The following TMEM132D variants were observed in gnomAD, a reference collection of about 807,000 sequenced individuals.
The protein encoded by TMEM132D is transmembrane protein 132D.
In TMEM132D, 21 loss-of-function variants were observed where a neutral mutation model predicts 62.3. The observed-to-expected ratio is 0.34, with a 90% CI of 0.24 to 0.49. TMEM132D has a LOEUF of 0.49. Among genes scored for constraint, TMEM132D ranks in the 20% least tolerant of loss-of-function variants. The pLI, the probability that TMEM132D is intolerant of heterozygous loss-of-function variation, is 0.99. For synonymous variants in TMEM132D, 621 were observed against 575.6 expected (o/e 1.08, Z -1.13); for missense variants, 1,346 against 1,402.8 (o/e 0.96, Z 0.65).
chr12:129,828,935 T>C (rs574925474), intron 1 of TMEM132D, among the ~76,000 whole-genome samples: 23 of 150,864 alleles, frequency 1.5e-4, no homozygotes, highest in African/African-American at 5.1e-4. Flanking sequence ...GTGAAAGAGG[T>C]GGAAGGGTAT....
intron 2 of TMEM132D, among the ~76,000 whole-genome samples, chr12:129,696,145 C>T (rs1169424058): frequency 2.0e-5 from 3 of 152,194 alleles, no homozygotes; most frequent in Non-Finnish European, 4.4e-5. Context: ...TATCTGGCTA[C>T]CAAAACCACC....
intron 3 of TMEM132D, among the ~76,000 whole-genome samples, chr12:129,345,426 T>C (rs1869648439): frequency 6.6e-6 from 1 of 152,210 alleles, no homozygotes; most frequent in Non-Finnish European, 1.5e-5. Flanking sequence ...CTAGAATGTA[T>C]TCTCGAACAC....
chr12:129,108,455 G>A (rs926276563), intron 5 of TMEM132D, among the ~76,000 whole-genome samples: 1 of 152,178 alleles, frequency 6.6e-6, no homozygotes, highest in Admixed American at 6.5e-5. Flanking sequence ...GGTAGTAGAC[G>A]ACATACTTGC....
At chr12:129,882,723 T>C (rs1349975952) in intron 1 of TMEM132D, among the ~76,000 whole-genome samples, 1 of 152,204 alleles carries the variant, frequency 6.6e-6, no homozygotes, top group Admixed American at 6.5e-5. Context: ...ATATGTACAA[T>C]TATTATGTCA....
At chr12:129,519,093 T>C (rs774450895) in intron 3 of TMEM132D, among the ~76,000 whole-genome samples, 8 of 152,210 alleles carry the variant, frequency 5.3e-5, no homozygotes, top group Non-Finnish European at 7.3e-5. Context: ...AATTATGTCT[T>C]ACCTGTTTTA....
intron 1 of TMEM132D, among the ~76,000 whole-genome samples, chr12:129,902,744 C>A (rs192256050): frequency 4.6e-5 from 7 of 152,036 alleles, no homozygotes; most frequent in African/African-American, 1.7e-4. Context: ...TCTTCAGAGC[C>A]GCCCCCCAGG....
intron 5 of TMEM132D, among the ~76,000 whole-genome samples, chr12:129,121,564 G>A (rs1338068737): frequency 6.6e-6 from 1 of 152,156 alleles, no homozygotes; most frequent in East Asian, 1.9e-4. Context: ...CACTGTTGCT[G>A]GATTTGAAGA....
intron 5 of TMEM132D, among the ~76,000 whole-genome samples, chr12:129,158,529 A>G (rs377691381): frequency 2.6e-5 from 4 of 152,256 alleles, no homozygotes; most frequent in Admixed American, 2.6e-4. Context: ...CTGTTGGCAT[A>G]GAAGTATATC....
At chr12:129,550,724 T>C (rs910762199) in intron 2 of TMEM132D, among the ~76,000 whole-genome samples, 6 of 152,336 alleles carry the variant, frequency 3.9e-5, no homozygotes, top group Non-Finnish European at 5.9e-5. Flanking sequence ...TACCTTCTAA[T>C]TGATCAGTTT....
chr12:129,621,226 G>A (rs534067953), intron 2 of TMEM132D, among the ~76,000 whole-genome samples: 78 of 152,192 alleles, frequency 5.1e-4, no homozygotes, highest in Middle Eastern at 3.4e-3. Flanking sequence ...ATGGCTGTGC[G>A]CTCTGCATAG....
At position 129,500,835 on chromosome 12, in the gene TMEM132D, C is replaced by T. The variant is rs578136537; in HGVS notation, c.1115+30224G>A. 2.6e-5 allele frequency among the ~76,000 whole-genome samples: 4 copies of T among 152,250 alleles called. No homozygotes were observed. The South Asian group carries it at 6.2e-4, about 24-fold the overall frequency. On this transcript the variant is annotated intron_variant, in intron 3 of 8. Coordinates refer to ENST00000422113, the MANE Select transcript of TMEM132D (RefSeq NM_133448.3). ...GTTATTATGCATTTAATTCCTGCAC[C>T]GATGACCCCAGTCCTTTGTAGGTAC...
At chr12:129,196,516 T>C (rs942930376) in intron 5 of TMEM132D, among the ~76,000 whole-genome samples, 11 of 152,162 alleles carry the variant, frequency 7.2e-5, no homozygotes, top group African/African-American at 1.9e-4. Flanking sequence ...ATTGGCAGTA[T>C]TGGGGATTGT....
intron 2 of TMEM132D, among the ~76,000 whole-genome samples, chr12:129,638,787 TCAGGTCCAATGCTGTAAG>T (rs1879564109): frequency 6.6e-6 from 1 of 151,972 alleles, no homozygotes; most frequent in Non-Finnish European, 1.5e-5. Context: ...AGAGTCCCAC[TCAGGTCCAATGCTGTAAG>T]CAGTCCCCGC....
In TMEM132D at chr12:129,648,693, T is replaced by G. The variant is rs143570132; in HGVS notation, c.968+51117A>C. 1.5e-4 allele frequency among the ~76,000 whole-genome samples: 23 copies of G among 152,362 alleles called. No individual in the cohort carries two copies. The East Asian group carries it at 2.9e-3, about 19-fold the overall frequency. On this transcript the variant is annotated intron_variant, in intron 2 of 8. Transcript: ENST00000422113. ...CAATTGGTATACAAGTCAATTTTATTGGCAACAAATCACCAAAGTGGTGCC... is the reference window on the plus strand; with the variant it reads ...CAATTGGTATACAAGTCAATTTTATGGGCAACAAATCACCAAAGTGGTGCC...
chr12:129,531,243 G>C (rs746760716), intron 2 of TMEM132D, 38 bp from the exon 3 acceptor site: 1 of 1,569,822 alleles, frequency 6.4e-7, no homozygotes, highest in South Asian at 1.2e-5. Flanking sequence ...AGTCAGCTCT[G>C]GGGAATCCCC....
intron 2 of TMEM132D, among the ~76,000 whole-genome samples, chr12:129,567,891 T>C (rs1365384831): frequency 6.6e-6 from 1 of 152,172 alleles, no homozygotes; most frequent in Non-Finnish European, 1.5e-5. Flanking sequence ...ACCAAAAAGA[T>C]TGAGAACCAC....
At chr12:129,546,756 A>G (rs552275630) in intron 2 of TMEM132D, among the ~76,000 whole-genome samples, 1 of 151,898 alleles carries the variant, frequency 6.6e-6, no homozygotes, top group South Asian at 2.1e-4. Context: ...AGCCGAGATC[A>G]TGCCACCGTA....
intron 2 of TMEM132D, among the ~76,000 whole-genome samples, chr12:129,571,651 G>T (rs2137119827): frequency 6.6e-6 from 1 of 152,110 alleles, no homozygotes. Flanking sequence ...CAGCAGAAGT[G>T]GCTTGCATGT....
chr12:129,366,884 G>T (rs1030335674), intron 3 of TMEM132D, among the ~76,000 whole-genome samples: 2 of 152,250 alleles, frequency 1.3e-5, no homozygotes, highest in African/African-American at 4.8e-5. Context: ...TCTCTAGGAA[G>T]ATGCTGTGGT....
Sources: gnomAD v4.1 joint callset for allele counts (sites outside exome capture counted in the v4.1 genomes callset) on GRCh38, gnomAD v4.1.1 for gene constraint, MANE v1.5 for transcripts, NCBI Gene and HGNC (gene_info 2026-07-23, HGNC 2026-07-21) for gene names.